The following SYNRG variants were observed in gnomAD, a reference collection of about 807,000 sequenced individuals.
The protein encoded by SYNRG is synergin gamma.
A neutral mutation model predicts 130.9 loss-of-function variants in SYNRG; 37 were observed. The observed-to-expected ratio is 0.28, with a 90% CI of 0.22 to 0.37. The LOEUF (loss-of-function observed/expected upper bound fraction) is 0.37, where lower values mean the gene tolerates loss of function less well. SYNRG is among the 10% of genes least tolerant of loss of function. The pLI is 1.00. For synonymous variants in SYNRG, 539 were observed against 568.1 expected (o/e 0.95, Z 0.73); for missense variants, 1,338 against 1,588.9 (o/e 0.84, Z 2.68).
intron 16 of SYNRG, among the ~76,000 whole-genome samples, chr17:37,539,564 T>C (rs2057538665): frequency 6.6e-6 from 1 of 152,046 alleles, no homozygotes; most frequent in Admixed American, 6.6e-5. Context: ...AGAGGTGGGG[T>C]TTCACCATGT....
In SYNRG at chr17:37,542,523, CT is replaced by C; in HGVS notation, c.2650del (p.Ser884AlafsTer5). On this transcript the variant is annotated frameshift_variant, in exon 15 of 22. Transcript: ENST00000612223. LOFTEE classifies it high-confidence loss of function. ...TGTAAGTGTGCTCACTGCAAAATTGCTACTGTAGCTTCCAAAAGCAGCATAT... is the reference window on the plus strand; with the variant it reads ...TGTAAGTGTGCTCACTGCAAAATTGCACTGTAGCTTCCAAAAGCAGCATAT... The part of the protein sequence containing the change: ...LKYAAFGSYS[S>X]NFAVSTLTSY... 2 of 1,612,788 alleles carry C rather than the reference CT, an allele frequency of 1.2e-6. No homozygotes were observed.
chr17:37,577,285 C>A (rs2060913258), intron 7 of SYNRG, 95 bp downstream of exon 7: 1 of 1,175,202 alleles, frequency 8.5e-7, no homozygotes, highest in South Asian at 1.4e-5. Context: ...TTAGCAAAAT[C>A]AAGCAGCATT....
chr17:37,527,127 G>T (rs981461170), intron 19 of SYNRG, among the ~76,000 whole-genome samples: 8 of 152,226 alleles, frequency 5.3e-5, no homozygotes, highest in African/African-American at 1.9e-4. Context: ...AAGTAGTAAA[G>T]AATTCATATT....
At position 37,516,436 on chromosome 17, in the gene SYNRG, T is replaced by C. The variant is rs2054432186; in HGVS notation, c.*2504A>G. Reference sequence around the variant, plus strand: ...TCTGTTGACATCTGCTGAATTTTCCTGTGGCACCTCCCAAGGAGTGACTAA... The same window carrying C: ...TCTGTTGACATCTGCTGAATTTTCCCGTGGCACCTCCCAAGGAGTGACTAA... On this transcript the variant is annotated 3_prime_UTR_variant, in exon 22 of 22. Transcript: ENST00000612223. 6.6e-6 allele frequency: 1 copy of C among 152,206 alleles called. No homozygotes were observed. Among genetic ancestry groups the C allele is most frequent in the African/African-American group, 2.4e-5 (1 of 41,452 alleles). 9.4% of individuals were successfully genotyped at this position (152,206 alleles called of 1,614,324 possible).
intron 13 of SYNRG, among the ~76,000 whole-genome samples, chr17:37,555,329 G>A (rs549228620): frequency 1.2e-3 from 187 of 152,232 alleles, no homozygotes; most frequent in Non-Finnish European, 2.3e-3. Context: ...GTTTCACCAC[G>A]TCACGTAGGC....
At chr17:37,580,269 A>G (rs1054802425) in intron 6 of SYNRG, among the ~76,000 whole-genome samples, 2 of 150,754 alleles carry the variant, frequency 1.3e-5, no homozygotes, top group Non-Finnish European at 2.9e-5. Context: ...TAAAGTTACC[A>G]TATGAGAAAT....
chr17:37,536,128 C>CTGA lies in SYNRG; in HGVS notation c.3518-4_3518-2dup, dbSNP rs1351241987. The CTGA allele has an allele frequency of 6.2e-7, 1 of 1,607,848 alleles. No individual in the cohort carries two copies. Among genetic ancestry groups the CTGA allele is most frequent in the Admixed American group, 1.7e-5 (1 of 58,776 alleles). ...GTTACCCTGTACACTTCAACAACAC[C>CTGA]TGACGGGATGAGAGAGCAGAGAGAG... On this transcript the variant is annotated splice_acceptor_variant, in intron 18 of 21. Coordinates refer to ENST00000612223, the MANE Select transcript of SYNRG (RefSeq NM_007247.6). LOFTEE classifies it high-confidence loss of function.
In SYNRG at chr17:37,607,955, C is replaced by CAAAA. The variant is rs67822733; in HGVS notation, c.77+1320_77+1323dup. ...TGGGCAACAGAGCAAGACTTCCTCT[C>CAAAA]AAAAAAAAAAAAAAAAAAAAAAAAA... On this transcript the variant is annotated intron_variant, in intron 1 of 21. Coordinates refer to ENST00000612223, the MANE Select transcript of SYNRG (RefSeq NM_007247.6). Among the ~76,000 whole-genome samples the CAAAA allele has an allele frequency of 2.9e-3, 147 of 51,050 alleles. 6 individuals carry two copies. The highest frequency in any genetic ancestry group is 4.1e-3 in the African/African-American group (75 of 18,392). The allele number at this position is 51,050 out of a possible 152,430, so 33.5% of individuals were successfully genotyped here.
Position 37,518,904 on chromosome 17 carries a change from AG to A in SYNRG, c.*35del. 6.2e-7 allele frequency: 1 copy of A among 1,605,020 alleles called. No homozygotes were observed. Among genetic ancestry groups the A allele is most frequent in the South Asian group, 1.1e-5 (1 of 90,212 alleles). ...TCCCTGTCACCCCGTGGGGTGTCAC[AG>A]AAAAAAAAAAGTCAATGCTTCACAG... On this transcript the variant is annotated 3_prime_UTR_variant, in exon 22 of 22. Coordinates refer to ENST00000612223, the MANE Select transcript of SYNRG (RefSeq NM_007247.6).
chr17:37,546,665 C>CA (rs1288610054), intron 14 of SYNRG, among the ~76,000 whole-genome samples: 1 of 152,146 alleles, frequency 6.6e-6, no homozygotes. Context: ...AGCTCATTCC[C>CA]AGGGACATTT....
At chr17:37,591,325 A>T (rs1475130072) in intron 3 of SYNRG, among the ~76,000 whole-genome samples, 1 of 152,246 alleles carries the variant, frequency 6.6e-6, no homozygotes, top group Non-Finnish European at 1.5e-5. Flanking sequence ...GTCTTCTGAT[A>T]GAAGAAACCA....
rs1411208057 is a variant in SYNRG, at chr17:37,596,258, T to C, written c.205A>G (p.Ser69Gly). 6.2e-7 allele frequency: 1 copy of C among 1,614,046 alleles called. No homozygotes were observed. The highest frequency in any genetic ancestry group is 8.5e-7 in the Non-Finnish European group (1 of 1,180,000). Reference sequence around the variant, plus strand: ...ATAGGTCCTTGGGACATCTGAGAGCTGTAATTCATTCCCATAATGCCTTGC... The same window carrying C: ...ATAGGTCCTTGGGACATCTGAGAGCCGTAATTCATTCCCATAATGCCTTGC... ...NMQGIMGMNYSSQMSQGPIAM... is the reference protein window; with the variant it reads ...NMQGIMGMNYGSQMSQGPIAM... The change falls in exon 3 of 22, where the codon AGC becomes GGC. Residue 69 changes from serine (S) to glycine (G), a missense_variant. Physicochemically the swap from Ser to Gly is moderately conservative, Grantham distance 56. This residue lies in a region of SYNRG where 184 missense variants were observed against 217.2 expected (regional missense o/e 0.85). Transcript: ENST00000612223.
intron 10 of SYNRG, 51 bp from the exon 11 acceptor site, chr17:37,568,975 T>C: frequency 6.4e-7 from 1 of 1,565,070 alleles, no homozygotes; most frequent in Non-Finnish European, 8.7e-7. Context: ...ACAAAATAAA[T>C]ACACAACAAA....
At chr17:37,579,214 T>C (rs1327048400) in intron 6 of SYNRG, 2 of 1,259,864 alleles carry the variant, frequency 1.6e-6, no homozygotes, top group East Asian at 5.7e-5. Flanking sequence ...CAAAAGGCAC[T>C]GGACTCTGAC....
chr17:37,586,650 G>A, intron 3 of SYNRG, 101 bp from the exon 4 acceptor site: 1 of 1,298,910 alleles, frequency 7.7e-7, no homozygotes, highest in Non-Finnish European at 1.0e-6. Context: ...ACTCTTATTT[G>A]TAAAAAATAG....
intron 1 of SYNRG, among the ~76,000 whole-genome samples, chr17:37,604,264 T>C (rs1176510161): frequency 6.6e-6 from 1 of 151,438 alleles, no homozygotes; most frequent in Non-Finnish European, 1.5e-5. Flanking sequence ...AAAGAAAATC[T>C]ATTGTTTAGC....
chr17:37,575,759 CT>C (rs2060779567), intron 8 of SYNRG, among the ~76,000 whole-genome samples: 1 of 150,636 alleles, frequency 6.6e-6, no homozygotes, highest in South Asian at 2.1e-4. Flanking sequence ...GGAGGATTGC[CT>C]GAGCCTGGGG....
chr17:37,591,930 A>G (rs1342426800), intron 3 of SYNRG, among the ~76,000 whole-genome samples: 2 of 152,216 alleles, frequency 1.3e-5, no homozygotes, highest in African/African-American at 4.8e-5. Context: ...TGCATGATCC[A>G]TAATAGGAAA....
chr17:37,536,539 T>C (rs1486817152), intron 18 of SYNRG: 1 of 165,994 alleles, frequency 6.0e-6, no homozygotes, highest in Non-Finnish European at 1.3e-5. Flanking sequence ...TTAGCTTTTG[T>C]TTTTTGGGAG....
Sources: gnomAD v4.1 joint callset for allele counts (sites outside exome capture counted in the v4.1 genomes callset) on GRCh38, gnomAD v4.1.1 for gene constraint, gnomAD v4.1.1 regional missense constraint, MANE v1.5 for transcripts, NCBI Gene and HGNC (gene_info 2026-07-23, HGNC 2026-07-21) for gene names.